Variants in CADM3 observed in about 807,000 individuals in gnomAD.
CADM3 encodes the protein TSLC1-like 1.
Under a neutral mutation model 44.9 loss-of-function variants are expected in CADM3, and 11 were observed. That is an observed-to-expected ratio of 0.25 (90% confidence interval 0.15 to 0.41). The LOEUF (loss-of-function observed/expected upper bound fraction) is 0.41, where lower values mean the gene tolerates loss of function less well. Among genes scored for constraint, CADM3 ranks in the 10% least tolerant of loss-of-function variants. CADM3 has a pLI of 1.00. For synonymous variants in CADM3, 207 were observed against 205.2 expected, an observed-to-expected ratio of 1.01 and a Z score of -0.08; for missense variants, 426 against 512.0, an observed-to-expected ratio of 0.83 and a Z score of 1.62.
intron 1 of CADM3, among the ~76,000 whole-genome samples, chr1:159,183,807 A>C (rs902172237): frequency 2.6e-5 from 4 of 152,208 alleles, no homozygotes; most frequent in Non-Finnish European, 5.9e-5. Context: ...GGGGACAGAC[A>C]GAGTTAGAAA....
intron 7 of CADM3, 117 bp from the exon 8 acceptor site, chr1:159,199,634 A>G (rs960476907): frequency 1.5e-6 from 2 of 1,349,540 alleles, no homozygotes; most frequent in Admixed American, 1.7e-5. Context: ...ACACTGCTCC[A>G]TTTTCCTGAT....
chr1:159,182,391 C>A (rs894654203), intron 1 of CADM3, among the ~76,000 whole-genome samples: 3 of 152,200 alleles, frequency 2.0e-5, no homozygotes, highest in Non-Finnish European at 2.9e-5. Context: ...ATATTTGACA[C>A]TTAGTGTCAA....
At chr1:159,187,595 C>G (rs923095394) in intron 1 of CADM3, among the ~76,000 whole-genome samples, 7 of 152,156 alleles carry the variant, frequency 4.6e-5, no homozygotes, top group South Asian at 2.1e-4. Flanking sequence ...TGGTATGAGA[C>G]GGCTATTTCC....
At chr1:159,196,686 G>T in intron 6 of CADM3, 1 of 639,938 alleles carries the variant, frequency 1.6e-6, no homozygotes, top group Non-Finnish European at 2.7e-6. Flanking sequence ...GTTAAAGTAA[G>T]ATACAAGTCT....
At chr1:159,183,087 A>T (rs927936317) in intron 1 of CADM3, among the ~76,000 whole-genome samples, 1 of 152,194 alleles carries the variant, frequency 6.6e-6, no homozygotes, top group Non-Finnish European at 1.5e-5. Flanking sequence ...CCTGCTTAGG[A>T]TGGAACCAAA....
At chr1:159,181,917 T>C (rs914556404) in intron 1 of CADM3, among the ~76,000 whole-genome samples, 3 of 152,166 alleles carry the variant, frequency 2.0e-5, no homozygotes, top group African/African-American at 7.2e-5. Context: ...CTCCAGATTT[T>C]TTCTCTCTCC....
At position 159,192,747 on chromosome 1, in the gene CADM3, C is replaced by A; in HGVS notation, c.382+17C>A. 6.2e-7 allele frequency: 1 copy of A among 1,607,600 alleles called. No homozygotes were observed. ...CTGTGCTAGGTGAGACTCCCAAACCCCAGTGTCTCTACAGCATGCTTCCTT... is the reference window on the plus strand; with the variant it reads ...CTGTGCTAGGTGAGACTCCCAAACCACAGTGTCTCTACAGCATGCTTCCTT... On this transcript the variant is annotated intron_variant, in intron 3 of 8. Transcript: ENST00000368125.
rs976084830 is a variant in CADM3, at chr1:159,192,194, T to G, written c.229+118T>G. 20 of 1,122,776 alleles carry G rather than the reference T, an allele frequency of 1.8e-5. No homozygotes were observed. The Admixed American group carries it at 2.7e-4, about 15-fold the overall frequency. 69.6% of individuals were successfully genotyped at this position (1,122,776 alleles called of 1,614,324 possible). A position where few individuals can be genotyped will look rare whatever the true frequency, so the allele number is the denominator to read the frequency against. ...GCTGAGAAACATGGTGGTCTGCTGT[T>G]TGAGGATGTAACAAGCCATGAGTTC... On this transcript the variant is annotated intron_variant, in intron 2 of 8. Coordinates refer to ENST00000368125, the MANE Select transcript of CADM3 (RefSeq NM_001127173.3).
intron 1 of CADM3, among the ~76,000 whole-genome samples, chr1:159,174,069 G>A (rs918839647): frequency 6.6e-6 from 1 of 152,174 alleles, no homozygotes. Flanking sequence ...AAGAGGTGGG[G>A]AAGTGGGAGA....
rs758190161 is a variant in CADM3 at position 159,203,283 on chromosome 1, A to G, written c.*2361A>G. 4 of 152,140 alleles carry G rather than the reference A, an allele frequency of 2.6e-5. No homozygotes were observed. Among genetic ancestry groups the G allele is most frequent in the African/African-American group, 4.8e-5 (2 of 41,396 alleles). 9.4% of individuals were successfully genotyped at this position (152,140 alleles called of 1,614,324 possible). A position where few individuals can be genotyped will look rare whatever the true frequency, so the allele number is the denominator to read the frequency against. ...TGCCAGGCCACTCTCAAGAATATCT[A>G]TGTACAGCAACAATATAACTCTACA... On this transcript the variant is annotated 3_prime_UTR_variant, in exon 9 of 9. Transcript: ENST00000368125.
At chr1:159,181,905 G>A (rs1054426373) in intron 1 of CADM3, among the ~76,000 whole-genome samples, 1 of 152,024 alleles carries the variant, frequency 6.6e-6, no homozygotes, top group African/African-American at 2.4e-5. Flanking sequence ...GCCCACTTCT[G>A]CCTCCAGATT....
chr1:159,186,482 A>G (rs1364342617), intron 1 of CADM3, among the ~76,000 whole-genome samples: 2 of 152,330 alleles, frequency 1.3e-5, no homozygotes, highest in African/African-American at 4.8e-5. Flanking sequence ...CATACCACCC[A>G]TTCAGAGTAC....
chr1:159,197,185 C>A (rs1163947053), intron 7 of CADM3, 125 bp downstream of exon 7: 1 of 995,044 alleles, frequency 1.0e-6, no homozygotes, highest in Non-Finnish European at 1.5e-6. Context: ...GAAAACCAGC[C>A]CACCACTGGG....
chr1:159,181,086 C>T (rs1571008157), intron 1 of CADM3, among the ~76,000 whole-genome samples: 1 of 152,280 alleles, frequency 6.6e-6, no homozygotes, highest in South Asian at 2.1e-4. Context: ...CTGGCCCATT[C>T]CCAGTCTCTA....
At chr1:159,197,340 G>A in intron 7 of CADM3, 1 of 336,912 alleles carries the variant, frequency 3.0e-6, no homozygotes, top group East Asian at 5.6e-5. Context: ...GCACTTGTCT[G>A]ACAACAAGAA....
At chr1:159,196,498 C>G in intron 6 of CADM3, 44 bp downstream of exon 6, 1 of 1,494,722 alleles carries the variant, frequency 6.7e-7, no homozygotes, top group Non-Finnish European at 9.3e-7. Flanking sequence ...TCTCCACATT[C>G]TCAGATTGCC....
intron 1 of CADM3, among the ~76,000 whole-genome samples, chr1:159,179,181 T>G (rs931405330): frequency 6.6e-6 from 1 of 152,150 alleles, no homozygotes; most frequent in Non-Finnish European, 1.5e-5. Flanking sequence ...CTCAACATAT[T>G]TTTCAGCACA....
Position 159,173,638 on chromosome 1 carries a change from T to C in CADM3, c.88+1785T>C, listed in dbSNP as rs931476619. On this transcript the variant is annotated intron_variant, in intron 1 of 8. Coordinates refer to ENST00000368125, the MANE Select transcript of CADM3 (RefSeq NM_001127173.3). ...AGAGAGGCTGCTGGGTGTTTGTGCT[T>C]CATTAATGACCCTGCTACTAGGCCT... Among the ~76,000 whole-genome samples the C allele has an allele frequency of 1.3e-4, 20 of 152,242 alleles. 1 individual carries two copies. The highest frequency in any genetic ancestry group is 1.0e-3 in the Admixed American group (16 of 15,296).
chr1:159,190,224 G>A (rs1032896925), intron 1 of CADM3, among the ~76,000 whole-genome samples: 4 of 152,172 alleles, frequency 2.6e-5, no homozygotes, highest in Non-Finnish European at 4.4e-5. Flanking sequence ...GTCAAAAATT[G>A]GCACGTGGCT....
Sources: allele counts gnomAD v4.1 joint callset (sites outside exome capture counted in the v4.1 genomes callset), GRCh38; gene constraint gnomAD v4.1.1; transcripts MANE v1.5; gene names NCBI Gene and HGNC (gene_info 2026-07-23, HGNC 2026-07-21).